Variants in MAGI1 observed in about 807,000 individuals in gnomAD.
The protein encoded by MAGI1 is membrane-associated guanylate kinase, WW and PDZ domain-containing protein 1.
In MAGI1, 58 loss-of-function variants were observed where a neutral mutation model predicts 139.9. The ratio of observed to expected loss-of-function variants is 0.41; its 90% confidence interval spans 0.34 to 0.52. The LOEUF is 0.52. Among genes scored for constraint, MAGI1 ranks in the 20% least tolerant of loss-of-function variants. The pLI is 0.12. For synonymous variants in MAGI1, 812 were observed against 737.9 expected, an observed-to-expected ratio of 1.10 and a Z score of -1.63; for missense variants, 1,874 against 1,901.6, an observed-to-expected ratio of 0.99 and a Z score of 0.27.
chr3:65,818,210 T>C (rs1283402895), intron 1 of MAGI1, among the ~76,000 whole-genome samples: 2 of 152,190 alleles, frequency 1.3e-5, no homozygotes, highest in African/African-American at 4.8e-5. Context: ...CCATGAGTTA[T>C]CACATACATT....
At chr3:65,398,422 C>A (rs529004525) in intron 13 of MAGI1, among the ~76,000 whole-genome samples, 1 of 152,050 alleles carries the variant, frequency 6.6e-6, no homozygotes, top group Non-Finnish European at 1.5e-5. Context: ...ATTGCTTGGG[C>A]CCAGAAGTTC....
At chr3:65,562,178 C>T (rs910603229) in intron 2 of MAGI1, among the ~76,000 whole-genome samples, 2 of 152,082 alleles carry the variant, frequency 1.3e-5, no homozygotes, top group African/African-American at 2.4e-5. Flanking sequence ...TTTCAGGCTT[C>T]CACTGGGAGT....
intron 1 of MAGI1, among the ~76,000 whole-genome samples, chr3:65,870,588 G>C (rs908646061): frequency 2.7e-5 from 4 of 150,914 alleles, no homozygotes; most frequent in Non-Finnish European, 5.9e-5. Flanking sequence ...AGTAGAGAAG[G>C]AGGGAGGGAG....
intron 2 of MAGI1, among the ~76,000 whole-genome samples, chr3:65,587,782 T>TA (rs1487544359): frequency 2.6e-5 from 4 of 152,166 alleles, no homozygotes; most frequent in African/African-American, 9.7e-5. Flanking sequence ...GTGCCCAGCC[T>TA]ACTTTACCAT....
intron 1 of MAGI1, among the ~76,000 whole-genome samples, chr3:65,810,159 T>G (rs62244034): frequency 0.014 from 2,151 of 152,356 alleles, 22 homozygotes; most frequent in Middle Eastern, 0.027. Context: ...ATTTCACATA[T>G]TAGGTAAAGC....
chr3:65,742,898 A>G (rs538647898), intron 1 of MAGI1, among the ~76,000 whole-genome samples: 1 of 152,340 alleles, frequency 6.6e-6, no homozygotes, highest in Non-Finnish European at 1.5e-5. Flanking sequence ...TATGTCTGGG[A>G]AATGTTTGCA....
At position 65,442,622 on chromosome 3, in the gene MAGI1, G is replaced by T. The variant is rs377483793; in HGVS notation, c.1136+170C>A. On this transcript the variant is annotated intron_variant, in intron 8 of 22. Transcript: ENST00000402939. ...TTAATAATATGATTTGCTATTTTCAGATTTATTGAATATTTTCTCATTCAT... is the reference window on the plus strand; with the variant it reads ...TTAATAATATGATTTGCTATTTTCATATTTATTGAATATTTTCTCATTCAT... Among the ~76,000 whole-genome samples, 65 of 152,190 alleles carry T rather than the reference G, an allele frequency of 4.3e-4. 1 individual carries two copies. The South Asian group carries it at 0.013, about 31-fold the overall frequency.
At chr3:65,990,740 T>C (rs182897535) in intron 1 of MAGI1, among the ~76,000 whole-genome samples, 126 of 152,324 alleles carry the variant, frequency 8.3e-4, no homozygotes, top group Admixed American at 2.4e-3. Context: ...AGGTGGTATA[T>C]ATACAGATAC....
chr3:66,020,716 T>C (rs1355169375), intron 1 of MAGI1, among the ~76,000 whole-genome samples: 1 of 152,184 alleles, frequency 6.6e-6, no homozygotes, highest in Non-Finnish European at 1.5e-5. Flanking sequence ...ACCAAAAGCA[T>C]CAAGTGATAC....
At chr3:65,368,060 A>C (rs1941607474) in intron 18 of MAGI1, among the ~76,000 whole-genome samples, 1 of 152,208 alleles carries the variant, frequency 6.6e-6, no homozygotes, top group Admixed American at 6.5e-5. Context: ...GAATTAAACC[A>C]GGATTGTATT....
At chr3:65,551,201 C>T (rs1314945837) in intron 2 of MAGI1, among the ~76,000 whole-genome samples, 1 of 152,222 alleles carries the variant, frequency 6.6e-6, no homozygotes, top group African/African-American at 2.4e-5. Flanking sequence ...CTCTTTCCTG[C>T]TGACTTGTTA....
In MAGI1 at chr3:65,931,666, C is replaced by T. The variant is rs548076364; in HGVS notation, c.313+106330G>A. On this transcript the variant is annotated intron_variant, in intron 1 of 22. Transcript: ENST00000402939. ...GTGACAGAGAAAGACCTTGTCTCAA[C>T]AACAACAGTAAAAGTCCACTTGCAT... Among the ~76,000 whole-genome samples the T allele has an allele frequency of 5.3e-5, 8 of 152,258 alleles. No homozygotes were observed. The East Asian group carries it at 1.5e-3, about 29-fold the overall frequency.
At chr3:65,740,716 C>A (rs182758665) in intron 1 of MAGI1, among the ~76,000 whole-genome samples, 222 of 152,304 alleles carry the variant, frequency 1.5e-3, no homozygotes, top group Middle Eastern at 3.4e-3. Flanking sequence ...CAGGAAACCT[C>A]TATCTCTATA....
At chr3:65,904,232 G>A (rs953910511) in intron 1 of MAGI1, among the ~76,000 whole-genome samples, 1 of 152,200 alleles carries the variant, frequency 6.6e-6, no homozygotes, top group African/African-American at 2.4e-5. Context: ...GAGAGCCCAT[G>A]AGGGCAAGAA....
chr3:65,590,542 T>C (rs972869151), intron 2 of MAGI1, among the ~76,000 whole-genome samples: 2 of 152,348 alleles, frequency 1.3e-5, no homozygotes, highest in East Asian at 3.9e-4. Flanking sequence ...CTGTTCTTTC[T>C]GAGGATGATA....
intron 1 of MAGI1, among the ~76,000 whole-genome samples, chr3:65,704,725 C>T (rs189791916): frequency 4.0e-5 from 6 of 151,714 alleles, no homozygotes; most frequent in Admixed American, 2.0e-4. Context: ...AAGTGCATGA[C>T]GACATAAAAA....
intron 1 of MAGI1, among the ~76,000 whole-genome samples, chr3:65,686,540 C>T (rs941949666): frequency 1.3e-5 from 2 of 152,156 alleles, no homozygotes; most frequent in African/African-American, 4.8e-5. Context: ...ATACTCCCGC[C>T]TTGGCCTCCC....
At chr3:65,990,639 A>G (rs1304980952) in intron 1 of MAGI1, among the ~76,000 whole-genome samples, 6 of 152,234 alleles carry the variant, frequency 3.9e-5, no homozygotes, top group African/African-American at 1.4e-4. Context: ...CTAAAGGCCA[A>G]GTGTTGTAAA....
At chr3:66,020,267 T>C (rs1212003704) in intron 1 of MAGI1, among the ~76,000 whole-genome samples, 1 of 152,068 alleles carries the variant, frequency 6.6e-6, no homozygotes, top group Admixed American at 6.5e-5. Flanking sequence ...TGAAACTCCA[T>C]CTCTATTAAA....
Sources: allele counts gnomAD v4.1 joint callset (sites outside exome capture counted in the v4.1 genomes callset), GRCh38; gene constraint gnomAD v4.1.1; transcripts MANE v1.5; gene names NCBI Gene and HGNC (gene_info 2026-07-23, HGNC 2026-07-21).